The following ACOXL variants were observed in gnomAD, a reference collection of about 807,000 sequenced individuals.
The protein encoded by ACOXL is acyl-CoA oxidase like, also known as acyl-coenzyme A oxidase-like protein.
A neutral mutation model predicts 71.9 loss-of-function variants in ACOXL; 70 were observed. That is an observed-to-expected ratio of 0.97 (90% confidence interval 0.80 to 1.19). ACOXL has a LOEUF of 1.19. Ranked by LOEUF, ACOXL falls within the 50% of genes most tolerant of loss-of-function variation. ACOXL has a pLI of 0.00. For missense variants in ACOXL, 703 were observed against 736.3 expected, an observed-to-expected ratio of 0.95 and a Z score of 0.52; for synonymous variants, 253 against 281.6, an observed-to-expected ratio of 0.90 and a Z score of 1.02.
chr2:110,938,446 G>A (rs1336431763), intron 12 of ACOXL, among the ~76,000 whole-genome samples: 2 of 152,246 alleles, frequency 1.3e-5, no homozygotes, highest in South Asian at 2.1e-4. Flanking sequence ...CTGCAGCACT[G>A]CAGCATGGTG....
At chr2:111,036,546 C>T (rs2065525970) in intron 15 of ACOXL, among the ~76,000 whole-genome samples, 2 of 152,200 alleles carry the variant, frequency 1.3e-5, no homozygotes, top group Admixed American at 1.3e-4. Context: ...GGAATGTCCC[C>T]TGGCTTTGTT....
chr2:110,951,826 A>G (rs1038145048), intron 12 of ACOXL, among the ~76,000 whole-genome samples: 3 of 152,232 alleles, frequency 2.0e-5, no homozygotes, highest in Non-Finnish European at 4.4e-5. Flanking sequence ...TTCAGGATCT[A>G]TACAACTCAG....
At chr2:110,967,235 T>C (rs1035438577) in intron 12 of ACOXL, among the ~76,000 whole-genome samples, 16 of 152,252 alleles carry the variant, frequency 1.1e-4, no homozygotes, top group African/African-American at 3.9e-4. Flanking sequence ...ATTAAAAATA[T>C]AATGACTGAA....
chr2:110,775,961 A>G (rs769100329), intron 2 of ACOXL, among the ~76,000 whole-genome samples: 17 of 152,258 alleles, frequency 1.1e-4, no homozygotes, highest in Non-Finnish European at 1.8e-4. Flanking sequence ...TTGCATGTCC[A>G]TGTTAACAGT....
At position 111,066,199 on chromosome 2, in the gene ACOXL, G is replaced by A. The variant is rs558791528; in HGVS notation, c.1440+16911G>A. The stretch of plus-strand genomic sequence containing the variant: ...CATACCATGAAATATATATTCTTTT[G>A]CAATGAGAAAGAATGCACTATTGAT... On this transcript the variant is annotated intron_variant, in intron 16 of 17. Coordinates refer to ENST00000439055, the MANE Select transcript of ACOXL (RefSeq NM_001142807.4). Among the ~76,000 whole-genome samples, 8 of 152,260 alleles carry A rather than the reference G, an allele frequency of 5.3e-5. No individual in the cohort carries two copies. The South Asian group carries it at 1.7e-3, about 32-fold the overall frequency.
At chr2:110,842,073 CG>C (rs1691241604) in intron 10 of ACOXL, among the ~76,000 whole-genome samples, 1 of 152,154 alleles carries the variant, frequency 6.6e-6, no homozygotes, top group African/African-American at 2.4e-5. Flanking sequence ...TCATAGGCTT[CG>C]GGCTTGGGGA....
At chr2:110,992,752 G>A (rs1009916851) in intron 13 of ACOXL, among the ~76,000 whole-genome samples, 2 of 152,152 alleles carry the variant, frequency 1.3e-5, no homozygotes, top group Admixed American at 1.3e-4. Context: ...CCCTGCAAGG[G>A]TTGTCTCTCT....
intron 9 of ACOXL, among the ~76,000 whole-genome samples, chr2:110,818,563 G>GTA (rs1688241507): frequency 6.6e-6 from 1 of 150,864 alleles, no homozygotes; most frequent in African/African-American, 2.4e-5. Flanking sequence ...ATATGTATGT[G>GTA]TATATATATG....
chr2:110,945,696 G>A (rs2061076727), intron 12 of ACOXL, among the ~76,000 whole-genome samples: 1 of 152,064 alleles, frequency 6.6e-6, no homozygotes, highest in African/African-American at 2.4e-5. Context: ...TGTTCCATTG[G>A]TCTATATGTC....
chr2:110,934,877 A>G (rs2060604272), intron 12 of ACOXL, among the ~76,000 whole-genome samples: 2 of 152,140 alleles, frequency 1.3e-5, no homozygotes, highest in African/African-American at 4.8e-5. Flanking sequence ...AAGGGAATGG[A>G]GAATGAAATA....
chr2:110,977,607 C>T (rs1464003182), intron 12 of ACOXL, among the ~76,000 whole-genome samples: 1 of 152,258 alleles, frequency 6.6e-6, no homozygotes, highest in East Asian at 1.9e-4. Context: ...TCCATTGACC[C>T]ATACGCAAAG....
chr2:110,995,807 T>A (rs1338283391), intron 13 of ACOXL, 86 bp from the exon 14 acceptor site: 3 of 1,080,082 alleles, frequency 2.8e-6, no homozygotes, highest in South Asian at 1.3e-5. Flanking sequence ...AAAATAGTTT[T>A]AAAAAACAAA....
At chr2:110,772,385 T>A (rs1682061076) in intron 2 of ACOXL, among the ~76,000 whole-genome samples, 1 of 152,216 alleles carries the variant, frequency 6.6e-6, no homozygotes, top group Non-Finnish European at 1.5e-5. Context: ...GGTTGCGGAC[T>A]GCTGCACTAT....
intron 11 of ACOXL, among the ~76,000 whole-genome samples, chr2:110,917,056 A>G (rs1385255164): frequency 1.3e-5 from 2 of 152,232 alleles, no homozygotes; most frequent in African/African-American, 4.8e-5. Context: ...AACTCATTTT[A>G]TGAGGCCAGC....
chr2:111,077,476 T>C (rs996841012), intron 16 of ACOXL, among the ~76,000 whole-genome samples: 1 of 152,186 alleles, frequency 6.6e-6, no homozygotes, highest in Non-Finnish European at 1.5e-5. Flanking sequence ...TGAGAAGAAA[T>C]AGTTTATCAT....
At chr2:110,854,998 T>C (rs1022182919) in intron 10 of ACOXL, among the ~76,000 whole-genome samples, 24 of 152,206 alleles carry the variant, frequency 1.6e-4, no homozygotes, top group African/African-American at 5.3e-4. Context: ...ATGGGACTTG[T>C]CTTGTTTGAA....
intron 1 of ACOXL, among the ~76,000 whole-genome samples, chr2:110,746,500 G>A (rs1678231520): frequency 6.6e-6 from 1 of 152,108 alleles, no homozygotes; most frequent in South Asian, 2.1e-4. Context: ...GGACAAGTAA[G>A]TGCATGAGTG....
chr2:110,890,434 T>C (rs890201497), intron 10 of ACOXL, among the ~76,000 whole-genome samples: 12 of 152,174 alleles, frequency 7.9e-5, no homozygotes, highest in Non-Finnish European at 1.8e-4. Flanking sequence ...TCTAAGAGTG[T>C]TATAGTTTTA....
At chr2:110,980,389 A>G (rs1414963821) in intron 12 of ACOXL, among the ~76,000 whole-genome samples, 1 of 152,210 alleles carries the variant, frequency 6.6e-6, no homozygotes, top group Non-Finnish European at 1.5e-5. Context: ...AAATGTGTGC[A>G]GGGGACTGAT....
Sources: allele counts gnomAD v4.1 joint callset (sites outside exome capture counted in the v4.1 genomes callset), GRCh38; gene constraint gnomAD v4.1.1; transcripts MANE v1.5; gene names NCBI Gene and HGNC (gene_info 2026-07-23, HGNC 2026-07-21).